Variants in STX7 observed in about 807,000 individuals in gnomAD.
STX7 encodes syntaxin-7.
In STX7, 34 loss-of-function variants were observed where a neutral mutation model predicts 39.6. The observed-to-expected ratio is 0.86, with a 90% CI of 0.65 to 1.14. The LOEUF is 1.14. Among genes scored for constraint, STX7 ranks in the 50% most tolerant of loss-of-function variants. The pLI, the probability that STX7 is intolerant of heterozygous loss-of-function variation, is 0.00. For synonymous variants in STX7, 119 were observed against 99.1 expected (o/e 1.20, Z -1.19); for missense variants, 284 against 310.4 (o/e 0.92, Z 0.64).
chr6:132,487,452 G>A (rs943770927), intron 2 of STX7, among the ~76,000 whole-genome samples: 1 of 152,102 alleles, frequency 6.6e-6, no homozygotes, highest in African/African-American at 2.4e-5. Context: ...ACAGGGAGGG[G>A]AACATCACAC....
In STX7 at chr6:132,452,267, T is replaced by TAC. The variant is rs1333424793; in HGVS notation, c.*8489_*8490dup. The TAC allele has an allele frequency of 2.6e-5, 4 of 152,246 alleles. No homozygotes were observed. Among genetic ancestry groups the TAC allele is most frequent in the Admixed American group, 2.6e-4 (4 of 15,286 alleles). The allele number at this position is 152,246 out of a possible 1,614,324, so 9.4% of individuals were successfully genotyped here. A position where few individuals can be genotyped will look rare whatever the true frequency, so the allele number is the denominator to read the frequency against. On this transcript the variant is annotated 3_prime_UTR_variant, in exon 10 of 10. Coordinates refer to ENST00000367941, the MANE Select transcript of STX7 (RefSeq NM_003569.3). ...AGCAAGAGCATCTACTTTAAAAACC[T>TAC]ACAGCTAACATTATACTTCATGGTG...
At chr6:132,511,543 T>C (rs1157978834) in intron 1 of STX7, among the ~76,000 whole-genome samples, 5 of 152,224 alleles carry the variant, frequency 3.3e-5, no homozygotes, top group Non-Finnish European at 5.9e-5. Context: ...TTCTGGAATA[T>C]AAACAGGAGA....
Position 132,458,483 on chromosome 6 carries a change from G to C in STX7, c.*2275C>G, listed in dbSNP as rs1251273188. ...GGCTGGTTAATATCAGTCTGTGTTTGAGTATTTCTTTTGAGCACACAAAAA... is the reference window on the plus strand; with the variant it reads ...GGCTGGTTAATATCAGTCTGTGTTTCAGTATTTCTTTTGAGCACACAAAAA... On this transcript the variant is annotated 3_prime_UTR_variant, in exon 10 of 10. Transcript: ENST00000367941. The C allele has an allele frequency of 2.6e-5, 4 of 152,178 alleles. No homozygotes were observed. Among genetic ancestry groups the C allele is most frequent in the Non-Finnish European group, 5.9e-5 (4 of 68,024 alleles). The allele number at this position is 152,178 out of a possible 1,614,324, so 9.4% of individuals were successfully genotyped here.
intron 8 of STX7, 73 bp from the exon 9 acceptor site, chr6:132,464,148 C>A: frequency 7.2e-7 from 1 of 1,381,264 alleles, no homozygotes; most frequent in Non-Finnish European, 1.0e-6. Flanking sequence ...CACTAAATTT[C>A]ATTCAAGGTA....
At chr6:132,470,918 T>C (rs1774702565) in intron 5 of STX7, among the ~76,000 whole-genome samples, 1 of 152,200 alleles carries the variant, frequency 6.6e-6, no homozygotes, top group Non-Finnish European at 1.5e-5. Flanking sequence ...TAAAGCTTAA[T>C]GTAGTCTTGG....
intron 2 of STX7, among the ~76,000 whole-genome samples, chr6:132,480,615 T>C (rs1323834501): frequency 1.3e-5 from 2 of 151,982 alleles, no homozygotes; most frequent in Non-Finnish European, 2.9e-5. Flanking sequence ...CATACACAAG[T>C]AAAAGGGAGA....
chr6:132,501,232 T>C (rs1346331867), intron 2 of STX7, among the ~76,000 whole-genome samples: 2 of 152,130 alleles, frequency 1.3e-5, no homozygotes, highest in African/African-American at 4.8e-5. Flanking sequence ...TTTTGTATTT[T>C]TAGTAGAGAC....
intron 2 of STX7, among the ~76,000 whole-genome samples, chr6:132,492,660 C>G (rs987464569): frequency 3.3e-5 from 5 of 152,148 alleles, no homozygotes; most frequent in African/African-American, 1.2e-4. Context: ...TGCCACTTAA[C>G]AGTTGTACAA....
At chr6:132,492,222 T>C (rs1238449774) in intron 2 of STX7, among the ~76,000 whole-genome samples, 3 of 152,180 alleles carry the variant, frequency 2.0e-5, no homozygotes, top group Admixed American at 1.3e-4. Context: ...CTAGATACTG[T>C]GGGACACATT....
intron 1 of STX7, among the ~76,000 whole-genome samples, chr6:132,509,962 T>C (rs1411280431): frequency 6.6e-6 from 1 of 152,208 alleles, no homozygotes; most frequent in African/African-American, 2.4e-5. Context: ...CCACTCAGAA[T>C]TCCTATTTAA....
Position 132,450,706 on chromosome 6 carries a change from T to TA in STX7, c.*10051dup, listed in dbSNP as rs1342483952. 2 of 151,952 alleles carry TA rather than the reference T, an allele frequency of 1.3e-5. No homozygotes were observed. Among genetic ancestry groups the TA allele is most frequent in the African/African-American group, 2.4e-5 (1 of 41,362 alleles). The allele number at this position is 151,952 out of a possible 1,614,324, so 9.4% of individuals were successfully genotyped here. ...CAGAAAGAATGAATAAATCTGAAGA[T>TA]AAAATGATAGAAATTACACAGTCTG... On this transcript the variant is annotated 3_prime_UTR_variant, in exon 10 of 10. Coordinates refer to ENST00000367941, the MANE Select transcript of STX7 (RefSeq NM_003569.3).
At chr6:132,471,750 T>TA in intron 4 of STX7, 150 bp from the exon 5 acceptor site, 1 of 885,624 alleles carries the variant, frequency 1.1e-6, no homozygotes, top group Non-Finnish European at 1.7e-6. Flanking sequence ...ATTCTGATAG[T>TA]ATGTCAAATA....
intron 2 of STX7, among the ~76,000 whole-genome samples, chr6:132,501,146 A>G (rs1159219189): frequency 6.6e-6 from 1 of 150,504 alleles, no homozygotes; most frequent in Non-Finnish European, 1.5e-5. Context: ...TCCGCCTCCC[A>G]GGTTCAAGCG....
intron 9 of STX7, among the ~76,000 whole-genome samples, chr6:132,461,270 C>G (rs752408643): frequency 6.6e-6 from 1 of 151,844 alleles, no homozygotes; most frequent in African/African-American, 2.4e-5. Context: ...CTGAAGATAT[C>G]AGTAAGTACA....
intron 2 of STX7, 27 bp downstream of exon 2, chr6:132,503,419 G>A: frequency 8.2e-6 from 13 of 1,586,312 alleles, no homozygotes; most frequent in Non-Finnish European, 1.1e-5. Context: ...GATACAAATA[G>A]TGAAGTCCAT....
intron 2 of STX7, among the ~76,000 whole-genome samples, chr6:132,480,071 C>T (rs748903313): frequency 6.6e-6 from 1 of 152,106 alleles, no homozygotes; most frequent in African/African-American, 2.4e-5. Context: ...CCCTGTGGCC[C>T]GTCCCCACTC....
chr6:132,476,303 C>G (rs1034061082), intron 2 of STX7, among the ~76,000 whole-genome samples: 1 of 152,018 alleles, frequency 6.6e-6, no homozygotes. Flanking sequence ...CATGCTGCAG[C>G]GAGAAAGCCA....
At chr6:132,504,052 T>G (rs930372838) in intron 1 of STX7, among the ~76,000 whole-genome samples, 2 of 152,160 alleles carry the variant, frequency 1.3e-5, no homozygotes, top group African/African-American at 4.8e-5. Context: ...TCCCCAGAAA[T>G]TTCACTGTAT....
At chr6:132,499,174 G>A (rs1473811732) in intron 2 of STX7, among the ~76,000 whole-genome samples, 1 of 152,138 alleles carries the variant, frequency 6.6e-6, no homozygotes, top group Non-Finnish European at 1.5e-5. Context: ...GCAATTATAC[G>A]CTTACCAGAA....
Sources: allele counts gnomAD v4.1 joint callset (sites outside exome capture counted in the v4.1 genomes callset), GRCh38; gene constraint gnomAD v4.1.1; transcripts MANE v1.5; gene names NCBI Gene and HGNC (gene_info 2026-07-23, HGNC 2026-07-21).